TMEM51: variants seen among roughly 807,000 people sequenced by gnomAD.
The protein encoded by TMEM51 is chromosome 1 open reading frame 72.
A neutral mutation model predicts 13.6 loss-of-function variants in TMEM51; 8 were observed. The ratio of observed to expected loss-of-function variants is 0.59; its 90% CI spans 0.35 to 1.07. The LOEUF (loss-of-function observed/expected upper bound fraction) is 1.07, where lower values mean the gene tolerates loss of function less well. Among genes scored for constraint, TMEM51 ranks in the 50% least tolerant of loss-of-function variants. The pLI is 0.02. For synonymous variants in TMEM51, 147 were observed against 144.4 expected (o/e 1.02, Z -0.13); for missense variants, 279 against 330.7 (o/e 0.84, Z 1.21).
At chr1:15,164,335 T>C (rs1436845220) in intron 1 of TMEM51, 1 of 456,112 alleles carries the variant, frequency 2.2e-6, no homozygotes, top group Non-Finnish European at 4.4e-6. Context: ...CTCAGTCTTT[T>C]CTTAAATTTC....
Position 15,171,156 on chromosome 1 carries a change from G to T in TMEM51, c.-267+17202G>T, listed in dbSNP as rs1258766683. 5 of 1,301,540 alleles carry T rather than the reference G, an allele frequency of 3.8e-6. No individual in the cohort carries two copies. The Admixed American group carries it at 1.2e-4, about 30-fold the overall frequency. 80.6% of individuals were successfully genotyped at this position (1,301,540 alleles called of 1,614,324 possible). On this transcript the variant is annotated intron_variant, in intron 1 of 3. Coordinates refer to ENST00000376008, the MANE Select transcript of TMEM51 (RefSeq NM_001136218.2). ...GTTGCTGATTCAGTAGGTCTGAGTG[G>T]GGCCCCAGGATTTGCATTTCTAACC... is the stretch of plus-strand genomic sequence containing the variant.
intron 1 of TMEM51, among the ~76,000 whole-genome samples, chr1:15,186,634 G>T (rs1173964728): frequency 6.6e-6 from 1 of 152,220 alleles, no homozygotes; most frequent in Non-Finnish European, 1.5e-5. Context: ...ATGAAATTGT[G>T]CATGGAAATT....
chr1:15,165,980 T>G (rs1159245548), intron 1 of TMEM51, among the ~76,000 whole-genome samples: 3 of 152,178 alleles, frequency 2.0e-5, no homozygotes, highest in Non-Finnish European at 4.4e-5. Flanking sequence ...CAATATCCCA[T>G]TTTTGTAAAA....
chr1:15,163,849 G>A (rs1158730528), intron 1 of TMEM51, among the ~76,000 whole-genome samples: 1 of 136,662 alleles, frequency 7.3e-6, no homozygotes, highest in African/African-American at 2.7e-5. Context: ...GGGGGGAGGG[G>A]ACAAAGTCTC....
At chr1:15,204,864 C>T (rs1275754587) in intron 1 of TMEM51, among the ~76,000 whole-genome samples, 2 of 152,002 alleles carry the variant, frequency 1.3e-5, no homozygotes, top group African/African-American at 4.8e-5. Flanking sequence ...GGCTGATGGT[C>T]AGAGCCTGTG....
chr1:15,153,612 C>T (rs956783175), upstream of TMEM51: 3 of 152,082 alleles, frequency 2.0e-5, no homozygotes, highest in East Asian at 2.0e-4. Flanking sequence ...TCCCTCGCCT[C>T]GGGCCCGGGG....
chr1:15,155,702 G>A (rs1370181967), intron 1 of TMEM51, among the ~76,000 whole-genome samples: 2 of 152,130 alleles, frequency 1.3e-5, no homozygotes, highest in Non-Finnish European at 2.9e-5. Flanking sequence ...GCAGTGGAGG[G>A]TGTGGAAAAG....
chr1:15,194,400 A>G (rs1032118990), intron 1 of TMEM51, among the ~76,000 whole-genome samples: 3 of 152,208 alleles, frequency 2.0e-5, no homozygotes, highest in Non-Finnish European at 4.4e-5. Flanking sequence ...TGTGATTGTC[A>G]TTGGGTCACC....
chr1:15,179,643 G>A lies in TMEM51; in HGVS notation c.-267+25689G>A, dbSNP rs189721837. ...ACAAAAAATATAAAAATTAGCGGGC[G>A]TGGTGGCGCATGCCTGTAACCTCAG... On this transcript the variant is annotated intron_variant, in intron 1 of 3. Coordinates refer to ENST00000376008, the MANE Select transcript of TMEM51 (RefSeq NM_001136218.2). 7.8e-3 allele frequency among the ~76,000 whole-genome samples: 1,189 copies of A among 152,164 alleles called. 19 individuals are homozygous for A. Among genetic ancestry groups the A allele is most frequent in the African/African-American group, 0.027 (1,121 of 41,506 alleles).
intron 1 of TMEM51, among the ~76,000 whole-genome samples, chr1:15,205,084 C>T (rs1000207571): frequency 2.0e-5 from 3 of 152,168 alleles, no homozygotes; most frequent in Non-Finnish European, 2.9e-5. Flanking sequence ...CTGGGTCCCC[C>T]GTGCCAGCCT....
intron 1 of TMEM51, among the ~76,000 whole-genome samples, chr1:15,194,219 G>C (rs926651294): frequency 1.3e-5 from 2 of 152,200 alleles, no homozygotes; most frequent in African/African-American, 4.8e-5. Flanking sequence ...TTTTTAAAAA[G>C]GACAAAGAAA....
chr1:15,164,807 C>CTT (rs67258662), intron 1 of TMEM51, among the ~76,000 whole-genome samples: 7 of 116,296 alleles, frequency 6.0e-5, no homozygotes, highest in South Asian at 2.8e-4. Context: ...TTTTTTTTTC[C>CTT]TTTTTTTTTT....
intron 1 of TMEM51, among the ~76,000 whole-genome samples, chr1:15,178,631 C>G (rs576602490): frequency 2.0e-5 from 3 of 152,302 alleles, no homozygotes; most frequent in African/African-American, 7.2e-5. Flanking sequence ...ACTCCAGTAT[C>G]GTGAGTTAGT....
chr1:15,215,120 C>T lies in TMEM51; in HGVS notation c.33C>T (p.His11=). MMAQSKANGS[H]YALTAIGLGM... is the part of the protein sequence containing the mutation. The stretch of plus-strand genomic sequence containing the variant: ...CCCAGTCCAAGGCCAATGGCTCGCA[C>T]TATGCGCTGACCGCCATCGGCCTGG... Residue 11 remains histidine, a synonymous_variant, in exon 3 of 4, where the codon CAC becomes CAT. Coordinates refer to ENST00000376008, the MANE Select transcript of TMEM51 (RefSeq NM_001136218.2). 6.2e-7 allele frequency: 1 copy of T among 1,614,006 alleles called. No homozygotes were observed. The highest frequency in any genetic ancestry group is 8.5e-7 in the Non-Finnish European group (1 of 1,180,034).
chr1:15,153,202 G>A (rs1642454677), upstream of TMEM51, among the ~76,000 whole-genome samples: 1 of 137,128 alleles, frequency 7.3e-6, no homozygotes, highest in African/African-American at 2.7e-5. Flanking sequence ...GCAGAAGGGG[G>A]AGAGGGAGGC....
At chr1:15,155,546 GAA>G (rs1254894556) in intron 1 of TMEM51, among the ~76,000 whole-genome samples, 1 of 152,208 alleles carries the variant, frequency 6.6e-6, no homozygotes, top group African/African-American at 2.4e-5. Flanking sequence ...GTCCTGCTAA[GAA>G]AAGAGTATTA....
At position 15,214,906 on chromosome 1, in the gene TMEM51, G is replaced by A. The variant is rs1487036875; in HGVS notation, c.-182G>A. The stretch of plus-strand genomic sequence containing the variant: ...TGCTTTCCTTCCAGGCCCTTCCACC[G>A]CAGCCATCCGCACGGGAGGCCTCGC... On this transcript the variant is annotated 5_prime_UTR_variant, in exon 3 of 4. Transcript: ENST00000376008. 14 of 604,484 alleles carry A rather than the reference G, an allele frequency of 2.3e-5. No homozygotes were observed. The highest frequency in any genetic ancestry group is 1.8e-4 in the South Asian group (8 of 45,462). 37.4% of individuals were successfully genotyped at this position (604,484 alleles called of 1,614,324 possible).
intron 1 of TMEM51, among the ~76,000 whole-genome samples, chr1:15,176,402 T>C (rs1337969833): frequency 1.3e-5 from 2 of 152,138 alleles, no homozygotes; most frequent in Non-Finnish European, 2.9e-5. Flanking sequence ...AATTGGCTGA[T>C]ACAAACAACC....
chr1:15,165,503 A>C (rs535920774), intron 1 of TMEM51, among the ~76,000 whole-genome samples: 1 of 152,326 alleles, frequency 6.6e-6, no homozygotes, highest in South Asian at 2.1e-4. Context: ...GGAGCTCAGC[A>C]TAGAAGTGTA....
Sources: allele counts gnomAD v4.1 joint callset (sites outside exome capture counted in the v4.1 genomes callset), GRCh38; gene constraint gnomAD v4.1.1; transcripts MANE v1.5; gene names NCBI Gene and HGNC (gene_info 2026-07-23, HGNC 2026-07-21).